KIF26B: variants seen among roughly 807,000 people sequenced by gnomAD.
The protein encoded by KIF26B is kinesin family member 26B, also known as kinesin-like protein KIF26B.
KIF26B carries 63 observed loss-of-function variants against 151.2 expected under a neutral mutation model. That is an observed-to-expected ratio of 0.42 (90% CI 0.34 to 0.51). KIF26B has a LOEUF of 0.51. Among genes scored for constraint, KIF26B ranks in the 20% least tolerant of loss-of-function variants. The pLI is 0.07. For synonymous variants in KIF26B, 1,357 were observed against 1,262.1 expected (o/e 1.08, Z -1.59); for missense variants, 2,813 against 2,913.6 (o/e 0.97, Z 0.79).
chr1:245,441,613 C>G (rs189291979), intron 4 of KIF26B, among the ~76,000 whole-genome samples: 1 of 151,888 alleles, frequency 6.6e-6, no homozygotes, highest in African/African-American at 2.4e-5. Flanking sequence ...ACGCAGACCC[C>G]GGGAAGAGGA....
intron 4 of KIF26B, among the ~76,000 whole-genome samples, chr1:245,487,408 A>G (rs6428924): frequency 0.91 from 138,156 of 152,198 alleles, 63,750 homozygotes; most frequent in South Asian, 0.99. Context: ...AACCAAGCAC[A>G]GGGCCTACGT....
chr1:245,156,490 G>A lies in KIF26B; in HGVS notation c.272G>A (p.Gly91Asp). 1 of 1,527,124 alleles carries A rather than the reference G, an allele frequency of 6.5e-7. No homozygotes were observed. Among genetic ancestry groups the A allele is most frequent in the African/African-American group, 1.4e-5 (1 of 71,450 alleles). 94.6% of individuals were successfully genotyped at this position (1,527,124 alleles called of 1,614,324 possible). Residue 91 changes from glycine to aspartate, a missense_variant, in exon 2 of 15, where the codon GGC (glycine) becomes GAC (aspartate). Around this residue, in one of 3 missense-constraint regions of KIF26B, gnomAD observed 676 missense variants for 688.1 expected, o/e 0.98. Transcript: ENST00000407071. ...FTGSPGPASP[G>D]IGTSSPGSLG... ...GGCTCCCCGGGACCCGCCTCCCCCG[G>A]CATCGGCACTAGTTCGCCGGGCTCC...
At chr1:245,548,066 A>G (rs1246812102) in intron 5 of KIF26B, among the ~76,000 whole-genome samples, 1 of 152,126 alleles carries the variant, frequency 6.6e-6, no homozygotes, top group African/African-American at 2.4e-5. Context: ...AGTTTCAGGG[A>G]CCTGACGCCT....
Position 245,416,193 on chromosome 1 carries a change from T to A in KIF26B, c.1000-3386T>A, listed in dbSNP as rs183030200. 4.9e-5 allele frequency among the ~76,000 whole-genome samples: 7 copies of A among 143,360 alleles called. No homozygotes were observed. The East Asian group carries it at 1.2e-3, about 25-fold the overall frequency. 94.0% of individuals were successfully genotyped at this position (143,360 alleles called of 152,430 possible). On this transcript the variant is annotated intron_variant, in intron 3 of 14. Coordinates refer to ENST00000407071, the MANE Select transcript of KIF26B (RefSeq NM_018012.4). ...TACTCTGGAGGCTGAGGTAGGAGAA[T>A]CTCTTGAACCCGGAAGGCGGAGGTT...
intron 3 of KIF26B, among the ~76,000 whole-genome samples, chr1:245,390,468 G>A (rs1673659460): frequency 6.6e-6 from 1 of 152,122 alleles, no homozygotes; most frequent in African/African-American, 2.4e-5. Flanking sequence ...CTCCCAAAGT[G>A]CTAGGATTAC....
chr1:245,627,837 A>G (rs902649381), intron 9 of KIF26B, among the ~76,000 whole-genome samples: 2 of 152,230 alleles, frequency 1.3e-5, no homozygotes, highest in Admixed American at 6.5e-5. Context: ...CTACCATCAG[A>G]GAATACTATA....
At chr1:245,363,946 G>A (rs1322698352) in intron 2 of KIF26B, among the ~76,000 whole-genome samples, 2 of 152,158 alleles carry the variant, frequency 1.3e-5, no homozygotes, top group African/African-American at 4.8e-5. Flanking sequence ...AGTTGGTGCT[G>A]ATTGATGTCT....
intron 2 of KIF26B, among the ~76,000 whole-genome samples, chr1:245,335,960 G>A (rs979457622): frequency 8.7e-5 from 12 of 138,474 alleles, no homozygotes; most frequent in African/African-American, 3.1e-4. Context: ...GCAGGGAAAG[G>A]AGAGTCCCAC....
intron 2 of KIF26B, among the ~76,000 whole-genome samples, chr1:245,313,975 C>T (rs923956926): frequency 6.6e-6 from 1 of 152,144 alleles, no homozygotes; most frequent in Non-Finnish European, 1.5e-5. Context: ...AAGAGCGTTT[C>T]TCTCTTCCCC....
intron 1 of KIF26B, among the ~76,000 whole-genome samples, 159 bp downstream of exon 1, chr1:245,155,646 C>A (rs1456277600): frequency 6.6e-6 from 1 of 152,146 alleles, no homozygotes; most frequent in Non-Finnish European, 1.5e-5. Flanking sequence ...GCGGGTCGGC[C>A]GCGGGGACGC....
At chr1:245,306,749 C>T (rs1671562828) in intron 2 of KIF26B, among the ~76,000 whole-genome samples, 1 of 152,178 alleles carries the variant, frequency 6.6e-6, no homozygotes, top group Non-Finnish European at 1.5e-5. Context: ...GATATTCCTT[C>T]ATCCCTCTTA....
chr1:245,173,941 G>A (rs1371711495), intron 2 of KIF26B, among the ~76,000 whole-genome samples: 2 of 152,166 alleles, frequency 1.3e-5, no homozygotes, highest in Admixed American at 1.3e-4. Flanking sequence ...TTGTGCCTGT[G>A]GTCGTTAGAA....
At chr1:245,269,423 G>A (rs1333075834) in intron 2 of KIF26B, among the ~76,000 whole-genome samples, 1 of 151,530 alleles carries the variant, frequency 6.6e-6, no homozygotes, top group Non-Finnish European at 1.5e-5. Context: ...TAGTATAATG[G>A]CCTCAAGGTT....
intron 9 of KIF26B, among the ~76,000 whole-genome samples, chr1:245,641,515 T>C (rs2043891505): frequency 6.6e-6 from 1 of 150,504 alleles, no homozygotes; most frequent in Admixed American, 6.6e-5. Flanking sequence ...GCTTTGTTCA[T>C]TCCTTCTTAT....
At chr1:245,201,275 A>G (rs1040903033) in intron 2 of KIF26B, among the ~76,000 whole-genome samples, 31 of 152,248 alleles carry the variant, frequency 2.0e-4, no homozygotes, top group Non-Finnish European at 1.2e-4. Context: ...TTGAAATAAC[A>G]TAGCAGTTAT....
chr1:245,394,822 C>T (rs529415850), intron 3 of KIF26B, among the ~76,000 whole-genome samples: 2 of 151,770 alleles, frequency 1.3e-5, no homozygotes, highest in African/African-American at 4.8e-5. Context: ...TCCCGAGTAG[C>T]TGATATTACA....
intron 2 of KIF26B, among the ~76,000 whole-genome samples, chr1:245,310,360 G>A: frequency 6.6e-6 from 1 of 152,034 alleles, no homozygotes; most frequent in East Asian, 1.9e-4. Context: ...GGAGGGTTTT[G>A]TTTTCCCTTA....
chr1:245,332,157 C>T (rs950384347), intron 2 of KIF26B, among the ~76,000 whole-genome samples: 5 of 152,132 alleles, frequency 3.3e-5, no homozygotes, highest in African/African-American at 1.2e-4. Flanking sequence ...AAAATGAAGT[C>T]CTCATCAGGA....
intron 2 of KIF26B, among the ~76,000 whole-genome samples, chr1:245,295,789 G>C (rs1671326778): frequency 6.6e-6 from 1 of 152,154 alleles, no homozygotes; most frequent in South Asian, 2.1e-4. Context: ...CTTCCAACTA[G>C]TTCTGAGCAC....
Sources: gnomAD v4.1 joint callset for allele counts (sites outside exome capture counted in the v4.1 genomes callset) on GRCh38, gnomAD v4.1.1 for gene constraint, gnomAD v4.1.1 regional missense constraint, MANE v1.5 for transcripts, NCBI Gene and HGNC (gene_info 2026-07-23, HGNC 2026-07-21) for gene names.